Variants in PCNX1 observed in about 807,000 individuals in gnomAD.
PCNX1 encodes the protein pecanex 1, also known as pecanex-like protein 1.
A neutral mutation model predicts 242.2 loss-of-function variants in PCNX1; 78 were observed. The ratio of observed to expected loss-of-function variants is 0.32; its 90% CI spans 0.27 to 0.39. The LOEUF (loss-of-function observed/expected upper bound fraction) is 0.39, where lower values mean the gene tolerates loss of function less well. Ranked by LOEUF, PCNX1 falls within the 10% of genes least tolerant of loss-of-function variation. The pLI, the probability that PCNX1 is intolerant of heterozygous loss-of-function variation, is 1.00. For missense variants in PCNX1, 2,581 were observed against 2,856.5 expected, an observed-to-expected ratio of 0.90 and a Z score of 2.20; for synonymous variants, 1,024 against 1,032.9, an observed-to-expected ratio of 0.99 and a Z score of 0.17.
intron 1 of PCNX1, among the ~76,000 whole-genome samples, chr14:70,925,831 A>G (rs1375328190): frequency 6.6e-6 from 1 of 152,084 alleles, no homozygotes; most frequent in African/African-American, 2.4e-5. Context: ...CTAGGGGTTA[A>G]ATCACTGGCT....
chr14:71,035,443 GTTAA>G (rs2060502134), intron 18 of PCNX1, among the ~76,000 whole-genome samples: 1 of 152,304 alleles, frequency 6.6e-6, no homozygotes, highest in African/African-American at 2.4e-5. Flanking sequence ...ATTTTTTGTG[GTTAA>G]TTATTATGTG....
intron 26 of PCNX1, among the ~76,000 whole-genome samples, chr14:71,059,415 G>A (rs2061267470): frequency 6.6e-6 from 1 of 151,598 alleles, no homozygotes; most frequent in African/African-American, 2.4e-5. Flanking sequence ...CAGGGGTCTC[G>A]CTCTGTCACC....
intron 11 of PCNX1, among the ~76,000 whole-genome samples, chr14:71,017,037 T>C (rs979524644): frequency 6.6e-6 from 1 of 152,154 alleles, no homozygotes; most frequent in Non-Finnish European, 1.5e-5. Flanking sequence ...ACATCAAGAA[T>C]GTGAGTTATG....
At chr14:70,959,165 A>G (rs2058107357) in intron 2 of PCNX1, among the ~76,000 whole-genome samples, 1 of 151,260 alleles carries the variant, frequency 6.6e-6, no homozygotes, top group Non-Finnish European at 1.5e-5. Context: ...AGCATTTTCT[A>G]AGTTTTGTGA....
intron 32 of PCNX1, among the ~76,000 whole-genome samples, chr14:71,104,377 G>A (rs553804029): frequency 6.6e-6 from 1 of 152,180 alleles, no homozygotes; most frequent in African/African-American, 2.4e-5. Flanking sequence ...ATATAAGTCA[G>A]GGGAGTGTTC....
At chr14:71,016,827 A>G (rs955202456) in intron 11 of PCNX1, among the ~76,000 whole-genome samples, 6 of 152,230 alleles carry the variant, frequency 3.9e-5, no homozygotes, top group African/African-American at 1.2e-4. Flanking sequence ...ACAAGAGCAC[A>G]TAAGCCCAAG....
At chr14:71,054,445 A>C (rs2061125717) in intron 24 of PCNX1, among the ~76,000 whole-genome samples, 1 of 152,192 alleles carries the variant, frequency 6.6e-6, no homozygotes, top group Non-Finnish European at 1.5e-5. Context: ...GGAAGTTGTC[A>C]AGCTTATGGT....
chr14:71,041,377 A>G (rs1324507447), intron 19 of PCNX1, among the ~76,000 whole-genome samples: 2 of 151,676 alleles, frequency 1.3e-5, no homozygotes, highest in Non-Finnish European at 2.9e-5. Context: ...TGATCTTTTT[A>G]CTTGTTATTG....
intron 1 of PCNX1, among the ~76,000 whole-genome samples, chr14:70,940,423 A>AT: frequency 6.6e-6 from 1 of 152,300 alleles, no homozygotes; most frequent in African/African-American, 2.4e-5. Context: ...TGGGTTGAAA[A>AT]TTCTTTTCTT....
chr14:70,979,257 G>T (rs1336785424), intron 6 of PCNX1, among the ~76,000 whole-genome samples: 2 of 151,960 alleles, frequency 1.3e-5, no homozygotes, highest in African/African-American at 2.4e-5. Flanking sequence ...ATTCAGATTT[G>T]TAGTTTATAT....
chr14:71,026,469 T>C (rs1014818340), intron 14 of PCNX1, among the ~76,000 whole-genome samples, 181 bp downstream of exon 14: 3 of 152,166 alleles, frequency 2.0e-5, no homozygotes, highest in African/African-American at 7.2e-5. Flanking sequence ...GATGAACAAA[T>C]ATTATAGTAA....
In PCNX1 at chr14:71,113,815, ATTAAT is replaced by A. The variant is rs1346033007; in HGVS notation, c.*3883_*3887del. On this transcript the variant is annotated 3_prime_UTR_variant, in exon 36 of 36. Coordinates refer to ENST00000304743, the MANE Select transcript of PCNX1 (RefSeq NM_014982.3). ...GTTAATTTCATTTATATTTATTTTA[ATTAAT>A]TTGTCATGAATATGGACAAAGCCTT... The A allele has an allele frequency of 1.1e-4, 16 of 152,166 alleles. No homozygotes were observed. The highest frequency in any genetic ancestry group is 2.1e-4 in the Non-Finnish European group (14 of 68,028). 9.4% of individuals were successfully genotyped at this position (152,166 alleles called of 1,614,324 possible).
At chr14:71,007,333 A>T (rs1438446206) in intron 8 of PCNX1, among the ~76,000 whole-genome samples, 1 of 152,124 alleles carries the variant, frequency 6.6e-6, no homozygotes, top group Non-Finnish European at 1.5e-5. Context: ...TGAAAATTAC[A>T]AAGATAATAT....
chr14:71,053,350 G>A, intron 24 of PCNX1: 1 of 444,104 alleles, frequency 2.3e-6, no homozygotes, highest in South Asian at 1.6e-5. Flanking sequence ...TCGACTCACT[G>A]CAACCTCCGC....
chr14:70,949,370 G>T (rs2057678781), intron 2 of PCNX1, among the ~76,000 whole-genome samples: 1 of 137,766 alleles, frequency 7.3e-6, no homozygotes, highest in African/African-American at 2.7e-5. Context: ...TACATATATA[G>T]ACACATACGT....
chr14:71,038,481 C>G (rs1387545630), intron 19 of PCNX1, among the ~76,000 whole-genome samples: 1 of 150,674 alleles, frequency 6.6e-6, no homozygotes, highest in Non-Finnish European at 1.5e-5. Context: ...AAAATGCTCA[C>G]CATCACTGGC....
chr14:71,096,736 T>G (rs1480160002), intron 30 of PCNX1, among the ~76,000 whole-genome samples: 3 of 152,166 alleles, frequency 2.0e-5, no homozygotes, highest in Non-Finnish European at 2.9e-5. Context: ...AATGCTATCT[T>G]AGATCAAGTG....
chr14:70,945,123 C>A (rs1204524588), intron 1 of PCNX1, among the ~76,000 whole-genome samples: 2 of 152,130 alleles, frequency 1.3e-5, no homozygotes, highest in East Asian at 3.8e-4. Context: ...GGTTGGTTCC[C>A]CTGGAAACCA....
intron 1 of PCNX1, among the ~76,000 whole-genome samples, chr14:70,943,645 A>G (rs1387125805): frequency 6.6e-6 from 1 of 152,228 alleles, no homozygotes; most frequent in Non-Finnish European, 1.5e-5. Context: ...AAAGCTGCAT[A>G]AATTTGCATA....
Sources: allele counts gnomAD v4.1 joint callset (sites outside exome capture counted in the v4.1 genomes callset), GRCh38; gene constraint gnomAD v4.1.1; transcripts MANE v1.5; gene names NCBI Gene and HGNC (gene_info 2026-07-23, HGNC 2026-07-21).